WWOX: variants seen among roughly 807,000 people sequenced by gnomAD.
The protein encoded by WWOX is WW domain containing oxidoreductase, also known as WW domain-containing oxidoreductase.
WWOX carries 69 observed loss-of-function variants against 46.2 expected under a neutral mutation model. The observed-to-expected ratio is 1.49, with a 90% CI of 1.23 to 1.82. WWOX has a LOEUF of 1.82. Ranked by LOEUF, WWOX falls within the 40% of genes most tolerant of loss-of-function variation. The pLI is 0.00. For synonymous variants in WWOX, 359 were observed against 202.6 expected (o/e 1.77, Z -6.56); for missense variants, 919 against 542.6 (o/e 1.69, Z -6.89).
At chr16:79,080,483 G>C (rs2048740416) in intron 8 of WWOX, among the ~76,000 whole-genome samples, 1 of 152,108 alleles carries the variant, frequency 6.6e-6, no homozygotes, top group Non-Finnish European at 1.5e-5. Flanking sequence ...CCACAAATCA[G>C]CTGTTTATAC....
At chr16:78,524,563 G>A (rs950656176) in intron 8 of WWOX, among the ~76,000 whole-genome samples, 7 of 151,858 alleles carry the variant, frequency 4.6e-5, no homozygotes, top group Non-Finnish European at 1.0e-4. Context: ...TGGGATTACA[G>A]TTGTGCACCA....
At chr16:78,805,663 A>G (rs2051015753) in intron 8 of WWOX, among the ~76,000 whole-genome samples, 1 of 152,220 alleles carries the variant, frequency 6.6e-6, no homozygotes, top group Admixed American at 6.5e-5. Flanking sequence ...ATCACTGTTA[A>G]GACTTAAACA....
rs147391682 is a variant in WWOX, at chr16:78,974,976, G to T, written c.1057-236632G>T. Among the ~76,000 whole-genome samples the T allele has an allele frequency of 9.2e-5, 14 of 152,244 alleles. No individual in the cohort carries two copies. In the South Asian group the frequency reaches 2.5e-3, roughly 27 times the overall value. ...CCCAAAGGGAGATGGACATTTCTAG[G>T]CTTGTGGAAGGGACTCCCCAGCCCC... On this transcript the variant is annotated intron_variant, in intron 8 of 8. Coordinates refer to ENST00000566780, the MANE Select transcript of WWOX (RefSeq NM_016373.4).
intron 5 of WWOX, among the ~76,000 whole-genome samples, chr16:78,259,971 G>T (rs1459200924): frequency 2.6e-5 from 4 of 151,250 alleles, no homozygotes; most frequent in Non-Finnish European, 4.4e-5. Context: ...GCAGTTTACA[G>T]AAATGTAAAC....
intron 8 of WWOX, among the ~76,000 whole-genome samples, chr16:78,594,459 G>T (rs1292788641): frequency 1.8e-5 from 1 of 55,796 alleles, no homozygotes; most frequent in East Asian, 4.8e-4. Context: ...AAATTGTCCC[G>T]TTGTCTCTTG....
chr16:78,830,826 ATTTCTGTCGTTTGCAGAGTGTCCT>A (rs1168745739), intron 8 of WWOX, among the ~76,000 whole-genome samples: 3 of 151,502 alleles, frequency 2.0e-5, no homozygotes, highest in African/African-American at 7.3e-5. Flanking sequence ...GTAAATGACT[ATTTCTGTCGTTTGCAGAGTGTCCT>A]TTTCTTTCTC....
chr16:78,957,564 C>T (rs899249892), intron 8 of WWOX, among the ~76,000 whole-genome samples: 1 of 152,176 alleles, frequency 6.6e-6, no homozygotes, highest in East Asian at 1.9e-4. Flanking sequence ...GGTCTTCTTT[C>T]TGGTGAAATA....
intron 6 of WWOX, among the ~76,000 whole-genome samples, chr16:78,420,713 C>G (rs544828555): frequency 6.9e-6 from 1 of 145,826 alleles, no homozygotes; most frequent in East Asian, 2.0e-4. Flanking sequence ...TATGGTTGTA[C>G]AATTATTTGA....
At chr16:78,564,953 A>G (rs1262500182) in intron 8 of WWOX, among the ~76,000 whole-genome samples, 1 of 152,080 alleles carries the variant, frequency 6.6e-6, no homozygotes, top group East Asian at 1.9e-4. Context: ...TTCCTTTTTA[A>G]CAAGACAAGT....
At chr16:78,942,342 C>G (rs995541833) in intron 8 of WWOX, among the ~76,000 whole-genome samples, 4 of 152,136 alleles carry the variant, frequency 2.6e-5, no homozygotes, top group African/African-American at 9.7e-5. Context: ...ATTGAAAAGT[C>G]AAGAACCTCT....
At chr16:78,309,178 GGGAGA>G (rs1487541762) in intron 5 of WWOX, among the ~76,000 whole-genome samples, 1 of 152,162 alleles carries the variant, frequency 6.6e-6, no homozygotes, top group Non-Finnish European at 1.5e-5. Flanking sequence ...GACATGTCAA[GGGAGA>G]GACCAGGTGG....
chr16:79,202,963 C>G (rs948003765), intron 8 of WWOX: 1 of 152,106 alleles, frequency 6.6e-6, no homozygotes, highest in Non-Finnish European at 1.5e-5. Context: ...ACTTTCTATG[C>G]TAAGGTGTTG....
intron 5 of WWOX, among the ~76,000 whole-genome samples, chr16:78,216,215 G>A (rs2036716016): frequency 6.6e-6 from 1 of 152,166 alleles, no homozygotes; most frequent in African/African-American, 2.4e-5. Flanking sequence ...AATGGGGGGA[G>A]TAATAATGAT....
chr16:78,573,707 A>C (rs1480417216), intron 8 of WWOX, among the ~76,000 whole-genome samples: 1 of 152,200 alleles, frequency 6.6e-6, no homozygotes, highest in Non-Finnish European at 1.5e-5. Context: ...TGCTGCACTG[A>C]ACCATAATCC....
chr16:78,395,751 GT>G (rs2082270065), intron 6 of WWOX, among the ~76,000 whole-genome samples: 1 of 131,836 alleles, frequency 7.6e-6, no homozygotes, highest in African/African-American at 3.4e-5. Flanking sequence ...TTTTTGTTTT[GT>G]TTTTTCTTTT....
chr16:78,116,451 T>TG (rs2032795608), intron 4 of WWOX, among the ~76,000 whole-genome samples: 1 of 152,216 alleles, frequency 6.6e-6, no homozygotes, highest in Admixed American at 6.5e-5. Flanking sequence ...TTACTGTACT[T>TG]GCCTATGAAG....
chr16:78,540,841 G>T (rs2043874960), intron 8 of WWOX, among the ~76,000 whole-genome samples: 1 of 152,236 alleles, frequency 6.6e-6, no homozygotes, highest in African/African-American at 2.4e-5. Context: ...GTGTCACCAT[G>T]CCAGGCTAAT....
intron 8 of WWOX, among the ~76,000 whole-genome samples, chr16:78,880,868 C>G (rs1021064315): frequency 6.6e-6 from 1 of 151,624 alleles, no homozygotes; most frequent in Non-Finnish European, 1.5e-5. Flanking sequence ...GCTCTGCCTT[C>G]TTGTCTATGA....
At chr16:78,953,609 C>T (rs867428036) in intron 8 of WWOX, among the ~76,000 whole-genome samples, 1 of 152,192 alleles carries the variant, frequency 6.6e-6, no homozygotes, top group Non-Finnish European at 1.5e-5. Context: ...TGCCTCAATG[C>T]CCAGCTCAGC....
Sources: allele counts gnomAD v4.1 joint callset (sites outside exome capture counted in the v4.1 genomes callset), GRCh38; gene constraint gnomAD v4.1.1; transcripts MANE v1.5; gene names NCBI Gene and HGNC (gene_info 2026-07-23, HGNC 2026-07-21).